The following ERC1 variants were observed in gnomAD, a reference collection of about 807,000 sequenced individuals.
ERC1 encodes RAB6 interacting protein 2.
Under a neutral mutation model 132.0 loss-of-function variants are expected in ERC1, and 56 were observed. The ratio of observed to expected loss-of-function variants is 0.42; its 90% CI spans 0.34 to 0.53. ERC1 has a LOEUF of 0.53. Ranked by LOEUF, ERC1 falls within the 20% of genes least tolerant of loss-of-function variation. The pLI, the probability that ERC1 is intolerant of heterozygous loss-of-function variation, is 0.03. For missense variants in ERC1, 1,202 were observed against 1,349.9 expected, an observed-to-expected ratio of 0.89 and a Z score of 1.72; for synonymous variants, 478 against 476.1, an observed-to-expected ratio of 1.00 and a Z score of -0.05.
intron 2 of ERC1, among the ~76,000 whole-genome samples, chr12:1,060,175 C>CT (rs563850203): frequency 0.051 from 7,410 of 144,240 alleles, 281 homozygotes; most frequent in African/African-American, 0.094. Flanking sequence ...AAGGCCACTT[C>CT]TTTTTTTTTT....
At chr12:1,052,834 G>T (rs1972261353) in intron 2 of ERC1, among the ~76,000 whole-genome samples, 1 of 152,080 alleles carries the variant, frequency 6.6e-6, no homozygotes, top group African/African-American at 2.4e-5. Context: ...GCCGGACATG[G>T]TGGCAGGCGC....
At chr12:1,394,356 C>T (rs959839073) in intron 16 of ERC1, among the ~76,000 whole-genome samples, 16 of 152,132 alleles carry the variant, frequency 1.1e-4, no homozygotes, top group South Asian at 6.2e-4. Flanking sequence ...GCCGAGATTG[C>T]GCCACTGCAC....
Position 1,408,234 on chromosome 12 carries a change from C to T in ERC1, c.3011C>T (p.Pro1004Leu). The T allele has an allele frequency of 6.2e-7, 1 of 1,612,968 alleles. No homozygotes were observed. The highest frequency in any genetic ancestry group is 8.5e-7 in the Non-Finnish European group (1 of 1,179,214). The change falls in exon 17 of 19, where the codon CCC becomes CTC. Residue 1004 changes from proline to leucine, a missense_variant. Pro to Leu is a moderately conservative substitution (Grantham distance 98). Coordinates refer to ENST00000360905, the MANE Select transcript of ERC1 (RefSeq NM_178040.4). ...SSHSNQTNHK[P>L]SPDQIIQPLL... ...CATTCCAATCAAACAAATCACAAGC[C>T]CTCCCCAGACCAGGTAAGATGGCTC...
At chr12:1,077,638 G>A (rs1414909647) in intron 2 of ERC1, among the ~76,000 whole-genome samples, 1 of 152,158 alleles carries the variant, frequency 6.6e-6, no homozygotes, top group African/African-American at 2.4e-5. Context: ...AAAATTTGGA[G>A]TGTGAGATCA....
At chr12:1,118,455 A>G (rs1255486375) in intron 7 of ERC1, among the ~76,000 whole-genome samples, 3 of 152,188 alleles carry the variant, frequency 2.0e-5, no homozygotes, top group African/African-American at 4.8e-5. Context: ...ATTGTCATTC[A>G]TGAATGGTTT....
chr12:1,107,617 A>G (rs910354590), intron 4 of ERC1, among the ~76,000 whole-genome samples: 10 of 152,206 alleles, frequency 6.6e-5, no homozygotes, highest in African/African-American at 2.4e-4. Flanking sequence ...GAATTCTGAC[A>G]TTGCAATCCT....
chr12:993,073 T>C (rs1354377374), intron 1 of ERC1, among the ~76,000 whole-genome samples: 1 of 152,206 alleles, frequency 6.6e-6, no homozygotes, highest in Non-Finnish European at 1.5e-5. Flanking sequence ...ACTTCTACTT[T>C]ATAGAGAGGT....
chr12:1,170,247 C>G (rs998024400), intron 8 of ERC1, among the ~76,000 whole-genome samples: 2 of 152,108 alleles, frequency 1.3e-5, no homozygotes, highest in African/African-American at 2.4e-5. Flanking sequence ...TTCTTTCCAT[C>G]CAGTGGATAG....
At chr12:1,174,318 A>G (rs756236965) in intron 8 of ERC1, among the ~76,000 whole-genome samples, 16 of 152,140 alleles carry the variant, frequency 1.1e-4, no homozygotes, top group Non-Finnish European at 1.9e-4. Context: ...TTATTTTGTG[A>G]GATCCTTTCA....
At chr12:1,212,562 C>A (rs1461402778) in intron 12 of ERC1, among the ~76,000 whole-genome samples, 8 of 152,156 alleles carry the variant, frequency 5.3e-5, no homozygotes, top group Admixed American at 4.6e-4. Flanking sequence ...TTTCTTAGTT[C>A]AGCTAAAGAC....
intron 16 of ERC1, among the ~76,000 whole-genome samples, chr12:1,383,825 G>GT (rs2088999332): frequency 6.6e-6 from 1 of 152,172 alleles, no homozygotes; most frequent in African/African-American, 2.4e-5. Flanking sequence ...AGAAAATACT[G>GT]TTTAACGTTT....
intron 16 of ERC1, among the ~76,000 whole-genome samples, chr12:1,387,819 T>TA (rs1355507108): frequency 5.5e-4 from 83 of 152,226 alleles, no homozygotes; most frequent in African/African-American, 2.0e-3. Context: ...GATCATTTCT[T>TA]ACGGCAGCTC....
chr12:1,323,351 C>T (rs1441679001), intron 15 of ERC1, among the ~76,000 whole-genome samples: 1 of 152,084 alleles, frequency 6.6e-6, no homozygotes, highest in Non-Finnish European at 1.5e-5. Flanking sequence ...TCCTGACAGC[C>T]AATGTAAGAT....
At chr12:1,363,624 G>C (rs761934556) in intron 15 of ERC1, among the ~76,000 whole-genome samples, 10 of 144,056 alleles carry the variant, frequency 6.9e-5, no homozygotes. Context: ...GTGCCATCAC[G>C]GCTCACTGCA....
chr12:1,063,190 C>T (rs1303270116), intron 2 of ERC1, among the ~76,000 whole-genome samples: 1 of 152,156 alleles, frequency 6.6e-6, no homozygotes, highest in Non-Finnish European at 1.5e-5. Flanking sequence ...GCCTTAGCCT[C>T]CCAAGTAGCT....
At chr12:1,471,664 G>A (rs950522848) in intron 18 of ERC1, among the ~76,000 whole-genome samples, 8 of 152,212 alleles carry the variant, frequency 5.3e-5, no homozygotes, top group African/African-American at 1.7e-4. Flanking sequence ...GTCCACCTTT[G>A]CTGGGGTTAC....
intron 12 of ERC1, among the ~76,000 whole-genome samples, chr12:1,231,275 AC>A (rs1351244106): frequency 6.6e-6 from 1 of 152,062 alleles, no homozygotes; most frequent in East Asian, 1.9e-4. Context: ...TAATAACTAA[AC>A]TTTAATTACC....
chr12:1,330,580 A>G (rs2082789576), intron 15 of ERC1, among the ~76,000 whole-genome samples: 1 of 152,106 alleles, frequency 6.6e-6, no homozygotes, highest in Non-Finnish European at 1.5e-5. Flanking sequence ...TAAGGTTATC[A>G]GTACCTCTAC....
Position 1,490,202 on chromosome 12 carries a change from T to A in ERC1, c.3323T>A (p.Val1108Glu). The change falls in exon 19 of 19, where the codon GTG (valine) becomes GAG (glutamate). Residue 1108 changes from valine to glutamate, a missense_variant. Transcript: ENST00000360905. ...ADHCPDILEQ[V>E]VNALEESS ...CATTGTCCCGACATCCTAGAGCAAG[T>A]GGTCAACGCCCTGGAAGAGTCCTCT... 1 of 1,614,154 alleles carries A rather than the reference T, an allele frequency of 6.2e-7. No individual in the cohort carries two copies.
Sources: allele counts gnomAD v4.1 joint callset (sites outside exome capture counted in the v4.1 genomes callset), GRCh38; gene constraint gnomAD v4.1.1; transcripts MANE v1.5; gene names NCBI Gene and HGNC (gene_info 2026-07-23, HGNC 2026-07-21).